BLM: variants seen among roughly 807,000 people sequenced by gnomAD.
BLM encodes the protein recQ-like DNA helicase BLM.
BLM carries 95 observed loss-of-function variants against 135.3 expected under a neutral mutation model. The observed-to-expected ratio is 0.70, with a 90% CI of 0.59 to 0.83. The LOEUF is 0.83. BLM is among the 40% of genes least tolerant of loss of function. BLM has a pLI of 0.00. For missense variants in BLM, 1,518 were observed against 1,663.9 expected (o/e 0.91, Z 1.53); for synonymous variants, 520 against 589.2 (o/e 0.88, Z 1.70).
At position 90,749,507 on chromosome 15, in the gene BLM, C is replaced by A. The variant is rs766303926; in HGVS notation, c.239C>A (p.Thr80Asn). 1 of 1,614,136 alleles carries A rather than the reference C, an allele frequency of 6.2e-7. No homozygotes were observed. Among genetic ancestry groups the A allele is most frequent in the Non-Finnish European group, 8.5e-7 (1 of 1,180,006 alleles). ...DFSFSEPLPN[T>N]TNQQRVKDFF... ...TCCTTCAGTGAACCTCTACCCAACA[C>A]CACAAATCAGCAAAGGGTCAAGGAC... The change falls in exon 3 of 22, where the codon ACC (threonine) becomes AAC (asparagine). Residue 80 changes from threonine (T) to asparagine (N), a missense_variant. Physicochemically the swap from Thr to Asn is moderately conservative, Grantham distance 65 (BLOSUM62 0). Coordinates refer to ENST00000355112, the MANE Select transcript of BLM (RefSeq NM_000057.4).
rs74037392 is a variant in BLM, at chr15:90,778,040, C to G, written c.2556-4782C>G. Reference sequence around the variant, plus strand: ...GTCTGTAACTAGGTATTTGGTAATTCCAAACATCTTATTTTCCAACAGGCA... The same window carrying G: ...GTCTGTAACTAGGTATTTGGTAATTGCAAACATCTTATTTTCCAACAGGCA... On this transcript the variant is annotated intron_variant, in intron 12 of 21. Coordinates refer to ENST00000355112, the MANE Select transcript of BLM (RefSeq NM_000057.4). Among the ~76,000 whole-genome samples the G allele has an allele frequency of 2.9e-3, 444 of 152,236 alleles. 2 individuals carry two copies. Among genetic ancestry groups the G allele is most frequent in the African/African-American group, 0.01 (416 of 41,550 alleles).
rs1458000028 is a variant in BLM at position 90,803,628 on chromosome 15, G to T, written c.3466G>T (p.Asp1156Tyr). 1 of 1,614,128 alleles carries T rather than the reference G, an allele frequency of 6.2e-7. No individual in the cohort carries two copies. The highest frequency in any genetic ancestry group is 8.5e-7 in the Non-Finnish European group (1 of 1,180,006). ...AAAGCTGATACTTGACAAGATTTTG[G>T]ATGAAGACTTATATATCAATGCCAA... is the stretch of plus-strand genomic sequence containing the variant. ...FKKLILDKIL[D>Y]EDLYINANDQ... The change falls in exon 18 of 22, where the codon GAT becomes TAT. Residue 1156 changes from aspartate to tyrosine, a missense_variant. This residue lies in a region of BLM where 626 missense variants were observed against 681.1 expected (regional missense o/e 0.92). Transcript: ENST00000355112.
intron 1 of BLM, among the ~76,000 whole-genome samples, chr15:90,735,956 A>C (rs1895203312): frequency 6.6e-6 from 1 of 152,258 alleles, no homozygotes; most frequent in Non-Finnish European, 1.5e-5. Context: ...AAAAGGCAGA[A>C]TACATGAGCA....
intron 1 of BLM, among the ~76,000 whole-genome samples, chr15:90,742,831 G>A (rs760276261): frequency 6.6e-5 from 10 of 151,644 alleles, no homozygotes; most frequent in Non-Finnish European, 8.8e-5. Flanking sequence ...GAGACAGGTC[G>A]TACTTTGTTG....
At position 90,763,097 on chromosome 15, in the gene BLM, C is replaced by CAGCTAG; in HGVS notation, c.2017_2022dup (p.Leu673_Glu674dup). The CAGCTAG allele has an allele frequency of 6.2e-7, 1 of 1,614,046 alleles. No individual in the cohort carries two copies. The highest frequency in any genetic ancestry group is 8.5e-7 in the Non-Finnish European group (1 of 1,179,980). On this transcript the variant is annotated inframe_insertion, in exon 8 of 22. Coordinates refer to ENST00000355112, the MANE Select transcript of BLM (RefSeq NM_000057.4). ...TGGCCTGCATAATTTTAGAACTAAT[C>CAGCTAG]AGCTAGAGGCGATCAATGCTGCACT...
At chr15:90,794,129 CTATAAG>C (rs750716488) in intron 15 of BLM, 32 bp from the exon 16 acceptor site, 96 of 1,473,156 alleles carry the variant, frequency 6.5e-5, no homozygotes, top group Non-Finnish European at 8.7e-5. Flanking sequence ...TATTTTTCCC[CTATAAG>C]TATGTCTTAC....
intron 14 of BLM, among the ~76,000 whole-genome samples, chr15:90,788,407 A>G (rs1371316921): frequency 1.3e-5 from 2 of 151,530 alleles, no homozygotes; most frequent in African/African-American, 4.9e-5. Flanking sequence ...ATTTGTCTTC[A>G]CTGAAATACT....
intron 20 of BLM, among the ~76,000 whole-genome samples, chr15:90,810,352 GTCAGGTTCTCCTAAATTC>G (rs1897383818): frequency 1.3e-5 from 2 of 152,078 alleles, no homozygotes. Flanking sequence ...ACCACACCTG[GTCAGGTTCTCCTAAATTC>G]TTCTATATGG....
At chr15:90,777,052 A>G (rs1010804817) in intron 12 of BLM, among the ~76,000 whole-genome samples, 1 of 151,974 alleles carries the variant, frequency 6.6e-6, no homozygotes, top group Non-Finnish European at 1.5e-5. Context: ...TATGTTGCCC[A>G]GGCTGGTCTT....
chr15:90,745,796 T>C (rs1047777690), intron 1 of BLM, among the ~76,000 whole-genome samples: 1 of 152,142 alleles, frequency 6.6e-6, no homozygotes, highest in Admixed American at 6.5e-5. Flanking sequence ...GTCTTACAGC[T>C]GGCTACGCAT....
chr15:90,789,758 G>C (rs939056447), intron 14 of BLM, among the ~76,000 whole-genome samples: 7 of 152,016 alleles, frequency 4.6e-5, no homozygotes, highest in African/African-American at 1.7e-4. Flanking sequence ...TTGAAATACT[G>C]TTCTTGCAGT....
intron 14 of BLM, among the ~76,000 whole-genome samples, chr15:90,789,997 T>TG (rs1477748631): frequency 1.7e-4 from 11 of 64,598 alleles, no homozygotes; most frequent in African/African-American, 9.3e-4. Context: ...GTTTTTTTTT[T>TG]TTTTTTTTTT....
Position 90,768,241 on chromosome 15 carries a change from C to A in BLM, c.2308-892C>A, listed in dbSNP as rs917168731. ...TACAAGCGTGAGCCACTGTGCCCAGCCCACATATTTATTGATACTAGCATG... is the reference window on the plus strand; with the variant it reads ...TACAAGCGTGAGCCACTGTGCCCAGACCACATATTTATTGATACTAGCATG... On this transcript the variant is annotated intron_variant, in intron 10 of 21. Transcript: ENST00000355112. Among the ~76,000 whole-genome samples the A allele has an allele frequency of 2.6e-5, 4 of 152,124 alleles. No homozygotes were observed. The East Asian group carries it at 7.7e-4, about 29-fold the overall frequency.
chr15:90,783,001 A>G, intron 13 of BLM, 73 bp downstream of exon 13: 1 of 1,205,954 alleles, frequency 8.3e-7, no homozygotes. Context: ...GATATATAAA[A>G]TTGCATATTA....
chr15:90,787,263 C>T (rs574819574), intron 14 of BLM, among the ~76,000 whole-genome samples: 2 of 151,772 alleles, frequency 1.3e-5, no homozygotes, highest in Non-Finnish European at 2.9e-5. Flanking sequence ...CCACGTTAGC[C>T]AGGAGGGTCT....
At chr15:90,765,573 C>T (rs1896102546) in intron 9 of BLM, among the ~76,000 whole-genome samples, 159 bp downstream of exon 9, 1 of 152,124 alleles carries the variant, frequency 6.6e-6, no homozygotes, top group Non-Finnish European at 1.5e-5. Flanking sequence ...TACAGATAAC[C>T]TCTAGTTCAA....
rs548615528 is a variant in BLM, at chr15:90,773,029, G to A, written c.2555+3443G>A. On this transcript the variant is annotated intron_variant, in intron 12 of 21. Coordinates refer to ENST00000355112, the MANE Select transcript of BLM (RefSeq NM_000057.4). ...GGAGAATCACTTGAACCCGGGAGGCGGAGGTTGCAGGGAGCCGAGATTGCA... is the reference window on the plus strand; with the variant it reads ...GGAGAATCACTTGAACCCGGGAGGCAGAGGTTGCAGGGAGCCGAGATTGCA... Among the ~76,000 whole-genome samples, 8 of 149,434 alleles carry A rather than the reference G, an allele frequency of 5.4e-5. No individual in the cohort carries two copies. In the South Asian group the frequency reaches 1.5e-3, roughly 28 times the overall value.
chr15:90,770,475 C>T (rs1357234592), intron 12 of BLM, among the ~76,000 whole-genome samples: 1 of 152,204 alleles, frequency 6.6e-6, no homozygotes, highest in African/African-American at 2.4e-5. Context: ...CGTGCCCGGC[C>T]AATCCCCACA....
chr15:90,777,176 G>A (rs1006381276), intron 12 of BLM, among the ~76,000 whole-genome samples: 18 of 151,158 alleles, frequency 1.2e-4, no homozygotes, highest in African/African-American at 4.4e-4. Flanking sequence ...TGAGGGGGGT[G>A]GGGGGAATGG....
Sources: allele counts gnomAD v4.1 joint callset (sites outside exome capture counted in the v4.1 genomes callset), GRCh38; gene constraint gnomAD v4.1.1; regional missense constraint gnomAD v4.1.1; transcripts MANE v1.5; gene names NCBI Gene and HGNC (gene_info 2026-07-23, HGNC 2026-07-21).